The following CA13 variants were observed in gnomAD, a reference collection of about 807,000 sequenced individuals.
CA13 encodes CA-XIII.
Under a neutral mutation model 31.5 loss-of-function variants are expected in CA13, and 21 were observed. The ratio of observed to expected loss-of-function variants is 0.67; its 90% confidence interval spans 0.47 to 0.96. The LOEUF is 0.96. CA13 is among the 40% of genes least tolerant of loss of function. The probability of loss-of-function intolerance (pLI) is 0.00; values close to 1 mark genes in which losing one functional copy is unlikely to be tolerated. For missense variants in CA13, 315 were observed against 318.9 expected, an observed-to-expected ratio of 0.99 and a Z score of 0.09; for synonymous variants, 117 against 111.4, an observed-to-expected ratio of 1.05 and a Z score of -0.32.
chr8:85,246,326 T>C (rs1042266751), intron 1 of CA13: 1 of 455,366 alleles, frequency 2.2e-6, no homozygotes, highest in Admixed American at 2.4e-5. Context: ...TAGGAAATCT[T>C]AACTTGCATT....
At chr8:85,259,265 A>G (rs775538064) in intron 2 of CA13, among the ~76,000 whole-genome samples, 156 bp from the exon 3 acceptor site, 6 of 152,244 alleles carry the variant, frequency 3.9e-5, no homozygotes, top group Non-Finnish European at 7.3e-5. Context: ...ACACATATTT[A>G]AAAGTGGTAT....
At chr8:85,279,020 T>G in intron 6 of CA13, among the ~76,000 whole-genome samples, 1 of 152,210 alleles carries the variant, frequency 6.6e-6, no homozygotes, top group East Asian at 1.9e-4. Context: ...TACTCAATTT[T>G]GGCAGGCAGT....
At chr8:85,273,264 T>C (rs1807552225) in intron 6 of CA13, among the ~76,000 whole-genome samples, 2 of 152,220 alleles carry the variant, frequency 1.3e-5, no homozygotes, top group African/African-American at 4.8e-5. Context: ...AGTGGGCATG[T>C]GTGATTTTAA....
In CA13 at chr8:85,250,607, C is replaced by T. The variant is rs564552266; in HGVS notation, c.38-133C>T. The T allele has an allele frequency of 1.2e-4, 74 of 600,074 alleles. No individual in the cohort carries two copies. In the Middle Eastern group the frequency reaches 1.3e-3, roughly 11 times the overall value. 37.2% of individuals were successfully genotyped at this position (600,074 alleles called of 1,614,324 possible). On this transcript the variant is annotated intron_variant, in intron 1 of 6. Coordinates refer to ENST00000321764, the MANE Select transcript of CA13 (RefSeq NM_198584.3). ...AAAAAAAACAATTAGATGCCAAGGTCCTGAGGACGAGAATCTCATTTTATT... is the reference window on the plus strand; with the variant it reads ...AAAAAAAACAATTAGATGCCAAGGTTCTGAGGACGAGAATCTCATTTTATT...
rs780283017 is a variant in CA13 at position 85,266,706 on chromosome 8, G to A, written c.450+3G>A. 11 of 1,608,200 alleles carry A rather than the reference G, an allele frequency of 6.8e-6. No individual in the cohort carries two copies. In the South Asian group the frequency reaches 1.2e-4, roughly 18 times the overall value. On this transcript the variant is annotated splice_donor_region_variant and intron_variant, in intron 4 of 6. Coordinates refer to ENST00000321764, the MANE Select transcript of CA13 (RefSeq NM_198584.3). ...CTGTCTTGGGAGTGTTTTTACAGGT[G>A]AGAATCTACTGTTTTCATTTTAAAT...
At position 85,281,593 on chromosome 8, in the gene CA13, G is replaced by A; in HGVS notation, c.*244G>A. 1 of 864,698 alleles carries A rather than the reference G, an allele frequency of 1.2e-6. No individual in the cohort carries two copies. The highest frequency in any genetic ancestry group is 1.5e-6 in the Non-Finnish European group (1 of 670,478). 53.6% of individuals were successfully genotyped at this position (864,698 alleles called of 1,614,324 possible). On this transcript the variant is annotated 3_prime_UTR_variant, in exon 7 of 7. Coordinates refer to ENST00000321764, the MANE Select transcript of CA13 (RefSeq NM_198584.3). ...AGTGGTACAGTCTTGGCTAATTGCA[G>A]CCTCCAACTCCTGGACTCAAGTGAT...
At chr8:85,273,976 A>C (rs1018403269) in intron 6 of CA13, among the ~76,000 whole-genome samples, 1 of 151,772 alleles carries the variant, frequency 6.6e-6, no homozygotes, top group Non-Finnish European at 1.5e-5. Flanking sequence ...TAACTGCTGC[A>C]TAGTACCCGG....
chr8:85,260,066 TTATCTC>T (rs531975650), intron 3 of CA13, among the ~76,000 whole-genome samples: 101 of 152,300 alleles, frequency 6.6e-4, no homozygotes, highest in African/African-American at 1.9e-3. Flanking sequence ...AAACTCTACT[TTATCTC>T]TATATTTACA....
At chr8:85,265,252 T>G (rs183554851) in intron 3 of CA13, among the ~76,000 whole-genome samples, 1 of 152,190 alleles carries the variant, frequency 6.6e-6, no homozygotes, top group Non-Finnish European at 1.5e-5. Flanking sequence ...ATCAGGTCCT[T>G]GGACACCATG....
intron 4 of CA13, among the ~76,000 whole-genome samples, chr8:85,266,996 C>A (rs1379436497): frequency 1.3e-5 from 2 of 152,168 alleles, no homozygotes; most frequent in African/African-American, 4.8e-5. Flanking sequence ...TGGGCTCTTC[C>A]TAATTGTATA....
intron 2 of CA13, among the ~76,000 whole-genome samples, chr8:85,258,337 T>G (rs1036350608): frequency 3.9e-5 from 6 of 152,128 alleles, no homozygotes; most frequent in Admixed American, 3.3e-4. Flanking sequence ...ATTGTCATAG[T>G]TTTAGAGATC....
chr8:85,276,356 GC>G (rs970815599), intron 6 of CA13, among the ~76,000 whole-genome samples: 6 of 152,146 alleles, frequency 3.9e-5, no homozygotes, highest in African/African-American at 1.4e-4. Flanking sequence ...AACGATCGCT[GC>G]CCCCTGCTCC....
chr8:85,261,339 T>A (rs1161033548), intron 3 of CA13, among the ~76,000 whole-genome samples: 1 of 152,210 alleles, frequency 6.6e-6, no homozygotes, highest in Non-Finnish European at 1.5e-5. Flanking sequence ...GTCCTCCAGG[T>A]AAATATTACA....
intron 1 of CA13, chr8:85,249,761 A>G (rs62527224): frequency 0.092 from 35,834 of 388,636 alleles, 1,931 homozygotes; most frequent in South Asian, 0.11. Flanking sequence ...CAGGAATAGT[A>G]GAGAGAATAA....
At chr8:85,245,891 G>T (rs372593888) in intron 1 of CA13, 26 bp downstream of exon 1, 33 of 1,613,962 alleles carry the variant, frequency 2.0e-5, no homozygotes, top group African/African-American at 4.0e-5. Flanking sequence ...TGATCCAAGG[G>T]GGGGTTTGTG....
intron 3 of CA13, among the ~76,000 whole-genome samples, chr8:85,263,627 G>A (rs1323724873): frequency 6.6e-6 from 1 of 152,162 alleles, no homozygotes; most frequent in Non-Finnish European, 1.5e-5. Flanking sequence ...TTAAGGTTTC[G>A]ATGTAAGCAT....
chr8:85,278,130 C>G (rs1807643517), intron 6 of CA13, among the ~76,000 whole-genome samples: 1 of 151,416 alleles, frequency 6.6e-6, no homozygotes, highest in Non-Finnish European at 1.5e-5. Flanking sequence ...GGCGTGGTGT[C>G]CCCTGCCTAT....
At chr8:85,251,627 TA>T (rs11355702) in intron 2 of CA13, among the ~76,000 whole-genome samples, 112,894 of 151,566 alleles carry the variant, frequency 0.74, 42,880 homozygotes, top group African/African-American at 0.87. Flanking sequence ...TAATGCCATT[TA>T]AGTACCTGCT....
intron 2 of CA13, among the ~76,000 whole-genome samples, chr8:85,251,151 G>A (rs536335932): frequency 3.9e-5 from 6 of 152,080 alleles, no homozygotes; most frequent in African/African-American, 1.2e-4. Context: ...ACAGGCGCAC[G>A]CCACTATACC....
Sources: allele counts gnomAD v4.1 joint callset (sites outside exome capture counted in the v4.1 genomes callset), GRCh38; gene constraint gnomAD v4.1.1; transcripts MANE v1.5; gene names NCBI Gene and HGNC (gene_info 2026-07-23, HGNC 2026-07-21).